FMN2: variants seen among roughly 807,000 people sequenced by gnomAD.
The protein encoded by FMN2 is formin 2, also known as formin-2.
A neutral mutation model predicts 142.3 loss-of-function variants in FMN2; 51 were observed. The observed-to-expected ratio is 0.36, with a 90% CI of 0.29 to 0.45. The LOEUF is 0.45. Ranked by LOEUF, FMN2 falls within the 20% of genes least tolerant of loss-of-function variation. FMN2 has a pLI of 1.00. For synonymous variants in FMN2, 882 were observed against 869.8 expected (o/e 1.01, Z -0.25); for missense variants, 1,936 against 2,122.8 (o/e 0.91, Z 1.73).
At chr1:240,200,062 C>T (rs769115982) in intron 4 of FMN2, among the ~76,000 whole-genome samples, 20 of 152,170 alleles carry the variant, frequency 1.3e-4, no homozygotes, top group Non-Finnish European at 2.6e-4. Context: ...CTGATAGGCT[C>T]TATCTAGCTG....
intron 11 of FMN2, among the ~76,000 whole-genome samples, chr1:240,331,747 A>G (rs1671383903): frequency 1.3e-5 from 2 of 152,212 alleles, no homozygotes; most frequent in South Asian, 2.1e-4. Flanking sequence ...AAGTCATTCA[A>G]TACATCTAAC....
intron 6 of FMN2, among the ~76,000 whole-genome samples, chr1:240,255,138 A>G: frequency 6.6e-6 from 1 of 152,148 alleles, no homozygotes; most frequent in East Asian, 1.9e-4. Flanking sequence ...CCTTAATCAC[A>G]TTAGAGAACC....
chr1:240,311,411 G>A (rs1017316455), intron 8 of FMN2, among the ~76,000 whole-genome samples: 2 of 152,124 alleles, frequency 1.3e-5, no homozygotes, highest in Admixed American at 6.5e-5. Context: ...AATGAGAGGA[G>A]TATTGACTTT....
chr1:240,129,238 G>T (rs1400285945), intron 2 of FMN2, among the ~76,000 whole-genome samples: 1 of 152,000 alleles, frequency 6.6e-6, no homozygotes, highest in East Asian at 1.9e-4. Flanking sequence ...AGCCCACACA[G>T]ATCTTTTCCT....
chr1:240,210,988 C>A, intron 5 of FMN2, 103 bp from the exon 6 acceptor site: 1 of 1,028,630 alleles, frequency 9.7e-7, no homozygotes, highest in Non-Finnish European at 1.4e-6. Flanking sequence ...CCCTCCTTCC[C>A]TCCTGCTGGC....
chr1:240,103,108 C>CG (rs970106164), intron 1 of FMN2, among the ~76,000 whole-genome samples: 1 of 152,074 alleles, frequency 6.6e-6, no homozygotes. Context: ...TCAGGTGACC[C>CG]GCCTGTCTCG....
At chr1:240,330,272 T>C (rs2103014668) in intron 10 of FMN2, among the ~76,000 whole-genome samples, 1 of 152,336 alleles carries the variant, frequency 6.6e-6, no homozygotes, top group East Asian at 1.9e-4. Flanking sequence ...AGTTCTCATT[T>C]GGCCTTATCT....
At chr1:240,327,604 C>T (rs1309167127) in intron 8 of FMN2, among the ~76,000 whole-genome samples, 1 of 152,092 alleles carries the variant, frequency 6.6e-6, no homozygotes, top group Non-Finnish European at 1.5e-5. Context: ...TCTTTTAATA[C>T]ACCTTTGTGA....
intron 6 of FMN2, among the ~76,000 whole-genome samples, chr1:240,254,385 A>C (rs918257231): frequency 6.6e-6 from 1 of 151,498 alleles, no homozygotes; most frequent in Non-Finnish European, 1.5e-5. Context: ...CTCAGGTGTC[A>C]ATGGTGGTGA....
chr1:240,299,406 T>C (rs182331302), intron 8 of FMN2, among the ~76,000 whole-genome samples: 1 of 152,350 alleles, frequency 6.6e-6, no homozygotes, highest in East Asian at 1.9e-4. Flanking sequence ...ACATTTCAAA[T>C]GCTCTGCTTT....
intron 6 of FMN2, among the ~76,000 whole-genome samples, chr1:240,243,328 T>C (rs1667974261): frequency 6.6e-6 from 1 of 152,154 alleles, no homozygotes; most frequent in Non-Finnish European, 1.5e-5. Context: ...GAATTTATCT[T>C]TCCAAAGTAA....
chr1:240,424,023 G>A (rs1674855638), intron 15 of FMN2, among the ~76,000 whole-genome samples: 1 of 152,312 alleles, frequency 6.6e-6, no homozygotes, highest in South Asian at 2.1e-4. Flanking sequence ...AGGTATGTTT[G>A]TGGTGGGAGG....
intron 8 of FMN2, among the ~76,000 whole-genome samples, chr1:240,320,227 A>G (rs898622457): frequency 1.3e-5 from 2 of 152,014 alleles, no homozygotes; most frequent in Admixed American, 6.6e-5. Context: ...AAACGATGTC[A>G]TCTTGGAAGG....
At chr1:240,102,897 C>A (rs1317341848) in intron 1 of FMN2, among the ~76,000 whole-genome samples, 1 of 149,670 alleles carries the variant, frequency 6.7e-6, no homozygotes, top group East Asian at 2.0e-4. Flanking sequence ...CAGGGTCTCA[C>A]TCTGTCACCC....
At chr1:240,337,653 G>A (rs190131649) in intron 13 of FMN2, among the ~76,000 whole-genome samples, 28 of 152,294 alleles carry the variant, frequency 1.8e-4, no homozygotes, top group African/African-American at 6.7e-4. Flanking sequence ...AGAATAAGCA[G>A]TGGGATTAGT....
chr1:240,116,209 T>A (rs183716939), intron 1 of FMN2, among the ~76,000 whole-genome samples: 41 of 152,334 alleles, frequency 2.7e-4, no homozygotes, highest in African/African-American at 9.9e-4. Flanking sequence ...AGCAGTCTTG[T>A]GGAGCTCCGC....
intron 1 of FMN2, among the ~76,000 whole-genome samples, chr1:240,097,682 G>C (rs1037477003): frequency 4.6e-5 from 7 of 152,072 alleles, no homozygotes; most frequent in African/African-American, 1.7e-4. Flanking sequence ...CTTTGCTCCT[G>C]TCCCTCAATT....
intron 13 of FMN2, among the ~76,000 whole-genome samples, chr1:240,349,672 T>C (rs1672026016): frequency 6.6e-6 from 1 of 152,220 alleles, no homozygotes; most frequent in Non-Finnish European, 1.5e-5. Flanking sequence ...TTTTTCTTTC[T>C]TTCCTCTGGC....
chr1:240,217,685 C>G (rs539319369), intron 6 of FMN2, among the ~76,000 whole-genome samples: 1 of 151,194 alleles, frequency 6.6e-6, no homozygotes. Flanking sequence ...GATGCTATTC[C>G]TATAACTATT....
Sources: gnomAD v4.1 joint callset for allele counts (sites outside exome capture counted in the v4.1 genomes callset) on GRCh38, gnomAD v4.1.1 for gene constraint, MANE v1.5 for transcripts, NCBI Gene and HGNC (gene_info 2026-07-23, HGNC 2026-07-21) for gene names.